The following MEIG1 variants were observed in gnomAD, a reference collection of about 807,000 sequenced individuals.
MEIG1 encodes meiosis expressed gene 1 protein homolog.
In MEIG1, 12 loss-of-function variants were observed where a neutral mutation model predicts 11.3. The ratio of observed to expected loss-of-function variants is 1.07; its 90% CI spans 0.68 to 1.73. The LOEUF (loss-of-function observed/expected upper bound fraction) is 1.73. Among genes scored for constraint, MEIG1 ranks in the 40% most tolerant of loss-of-function variants. The probability of loss-of-function intolerance (pLI) is 0.00; values close to 1 mark genes in which losing one functional copy is unlikely to be tolerated. For synonymous variants in MEIG1, 41 were observed against 33.2 expected (o/e 1.24, Z -0.81); for missense variants, 119 against 104.9 (o/e 1.13, Z -0.59).
intron 1 of MEIG1, among the ~76,000 whole-genome samples, chr10:14,964,999 C>A (rs991646750): frequency 5.3e-5 from 8 of 152,120 alleles, no homozygotes; most frequent in Middle Eastern, 3.4e-3. Flanking sequence ...GTTGGCCAGG[C>A]TGGTCTTGAA....
chr10:14,967,103 G>A (rs578245020), intron 2 of MEIG1, among the ~76,000 whole-genome samples: 29 of 152,116 alleles, frequency 1.9e-4, no homozygotes, highest in African/African-American at 6.7e-4. Flanking sequence ...GAGAAGAGGT[G>A]GTCGTTTAGC....
At chr10:14,962,993 A>C (rs2131262183) in intron 1 of MEIG1, among the ~76,000 whole-genome samples, 1 of 151,658 alleles carries the variant, frequency 6.6e-6, no homozygotes, top group East Asian at 1.9e-4. Flanking sequence ...TGAACTCCTG[A>C]CCTCGTGATC....
At chr10:14,967,943 A>C (rs1472304122) in intron 2 of MEIG1, among the ~76,000 whole-genome samples, 3 of 152,226 alleles carry the variant, frequency 2.0e-5, no homozygotes, top group Non-Finnish European at 2.9e-5. Context: ...ATCCATGTAT[A>C]TATGGACTCC....
chr10:14,980,665 C>T (rs1037058119), intron 1 of MEIG1, among the ~76,000 whole-genome samples: 5 of 152,100 alleles, frequency 3.3e-5, no homozygotes, highest in African/African-American at 9.7e-5. Flanking sequence ...TGGAGCAAAG[C>T]GCAGCCTATG....
At chr10:14,964,971 G>C (rs1340798970) in intron 1 of MEIG1, among the ~76,000 whole-genome samples, 1 of 151,938 alleles carries the variant, frequency 6.6e-6, no homozygotes, top group East Asian at 1.9e-4. Context: ...ATTTTTAATA[G>C]AGACGGGGTT....
chr10:14,964,520 T>A (rs10906785), intron 1 of MEIG1, among the ~76,000 whole-genome samples: 1 of 149,314 alleles, frequency 6.7e-6, no homozygotes, highest in African/African-American at 2.5e-5. Flanking sequence ...TTCTAATTAA[T>A]GTCATGCTTA....
downstream of MEIG1, among the ~76,000 whole-genome samples, chr10:14,975,698 A>C (rs4317884): frequency 0.67 from 101,473 of 151,600 alleles, 34,133 homozygotes; most frequent in Admixed American, 0.69. Context: ...GGATAACCCT[A>C]CTCCCAATAG....
At chr10:14,958,264 AC>A (rs984765128), upstream of MEIG1, among the ~76,000 whole-genome samples, 98 of 148,986 alleles carry the variant, frequency 6.6e-4, 1 homozygote, top group African/African-American at 2.3e-3. Context: ...TCAGAGAAAG[AC>A]CGGGCTGAAG....
At chr10:14,964,636 C>CTTTTCTTTTT (rs1843058020) in intron 1 of MEIG1, among the ~76,000 whole-genome samples, 1 of 49,220 alleles carries the variant, frequency 2.0e-5, no homozygotes, top group Admixed American at 3.4e-4. Flanking sequence ...TATATGTATA[C>CTTTTCTTTTT]TTTTTTTTTT....
At chr10:14,957,915 G>T (rs1307136252), upstream of MEIG1, among the ~76,000 whole-genome samples, 2 of 152,164 alleles carry the variant, frequency 1.3e-5, no homozygotes, top group Non-Finnish European at 2.9e-5. Context: ...CAAAGTGCTG[G>T]GATTACAGGT....
At chr10:14,961,777 G>A (rs898991136) in intron 1 of MEIG1, among the ~76,000 whole-genome samples, 10 of 142,176 alleles carry the variant, frequency 7.0e-5, no homozygotes, top group African/African-American at 2.3e-4. Context: ...ACCGCACATG[G>A]CCAAAACGTT....
chr10:14,959,416 A>T lies in MEIG1; in HGVS notation c.-171A>T, dbSNP rs999546644. ...AAGAGACGCGAGGGTCGCGAAGGGCACAACACTTGGCCTCTCGCTGGCCCT... is the reference window on the plus strand; with the variant it reads ...AAGAGACGCGAGGGTCGCGAAGGGCTCAACACTTGGCCTCTCGCTGGCCCT... On this transcript the variant is annotated 5_prime_UTR_variant, in exon 1 of 3. Coordinates refer to ENST00000407572, the MANE Select transcript of MEIG1 (RefSeq NM_001080836.3). 3.9e-5 allele frequency: 6 copies of T among 152,316 alleles called. No individual in the cohort carries two copies. Among genetic ancestry groups the T allele is most frequent in the African/African-American group, 1.4e-4 (6 of 41,468 alleles). The allele number at this position is 152,316 out of a possible 1,614,324, so 9.4% of individuals were successfully genotyped here.
At chr10:14,957,832 G>C (rs1162138988), upstream of MEIG1, among the ~76,000 whole-genome samples, 1 of 152,094 alleles carries the variant, frequency 6.6e-6, no homozygotes, top group African/African-American at 2.4e-5. Context: ...ATTTTTAGTA[G>C]AGAAAGGGTT....
chr10:14,972,799 C>T lies in MEIG1; in HGVS notation c.*158C>T, dbSNP rs936546648. On this transcript the variant is annotated 3_prime_UTR_variant, in exon 3 of 3. Transcript: ENST00000407572. The stretch of plus-strand genomic sequence containing the variant: ...ATGAGAATTGGTATCTGCTAATCAC[C>T]TTGTCCTGTTCTAAGAACTGGCTGC... 1.4e-5 allele frequency: 9 copies of T among 652,216 alleles called. No homozygotes were observed. Among genetic ancestry groups the T allele is most frequent in the South Asian group, 2.0e-5 (1 of 49,670 alleles). The allele number at this position is 652,216 out of a possible 1,614,324, so 40.4% of individuals were successfully genotyped here.
intron 1 of MEIG1, among the ~76,000 whole-genome samples, chr10:14,984,033 A>G (rs1026659643): frequency 6.6e-6 from 1 of 152,096 alleles, no homozygotes; most frequent in Non-Finnish European, 1.5e-5. Flanking sequence ...TCCAGGGGCA[A>G]GAGGATGCTA....
At chr10:14,976,796 T>C (rs1466005194), downstream of MEIG1, among the ~76,000 whole-genome samples, 1 of 152,104 alleles carries the variant, frequency 6.6e-6, no homozygotes, top group Non-Finnish European at 1.5e-5. Context: ...CTTCATAATA[T>C]TCCAGGAAAA....
At chr10:14,960,625 G>A (rs1843001669) in intron 1 of MEIG1, among the ~76,000 whole-genome samples, 1 of 151,814 alleles carries the variant, frequency 6.6e-6, no homozygotes, top group East Asian at 2.0e-4. Flanking sequence ...TCACTTTGTT[G>A]GCCAGGATGG....
At chr10:14,961,809 T>C (rs1843017735) in intron 1 of MEIG1, among the ~76,000 whole-genome samples, 1 of 149,732 alleles carries the variant, frequency 6.7e-6, no homozygotes, top group Non-Finnish European at 1.5e-5. Flanking sequence ...ATTTATTTTT[T>C]TAACATTTTT....
chr10:14,984,246 A>AGGGGGGGAGAGGG (rs1843295489), intron 1 of MEIG1, among the ~76,000 whole-genome samples: 1 of 23,996 alleles, frequency 4.2e-5, no homozygotes, highest in South Asian at 1.2e-3. Flanking sequence ...CGTAATATCC[A>AGGGGGGGAGAGGG]GGGTGGGAGA....
Sources: allele counts gnomAD v4.1 joint callset (sites outside exome capture counted in the v4.1 genomes callset), GRCh38; gene constraint gnomAD v4.1.1; transcripts MANE v1.5; gene names NCBI Gene and HGNC (gene_info 2026-07-23, HGNC 2026-07-21).